The following LRRC7 variants were observed in gnomAD, a reference collection of about 807,000 sequenced individuals.
LRRC7 encodes leucine rich repeat containing 7.
LRRC7 carries 23 observed loss-of-function variants against 175.7 expected under a neutral mutation model. The observed-to-expected ratio is 0.13, with a 90% CI of 0.09 to 0.19. LRRC7 has a LOEUF of 0.19. Among genes scored for constraint, LRRC7 ranks in the 10% least tolerant of loss-of-function variants. LRRC7 has a pLI of 1.00. For synonymous variants in LRRC7, 685 were observed against 680.9 expected, an observed-to-expected ratio of 1.01 and a Z score of -0.09; for missense variants, 1,354 against 1,904.7, an observed-to-expected ratio of 0.71 and a Z score of 5.38.
At chr1:70,037,488 T>G (rs929211547) in intron 20 of LRRC7, among the ~76,000 whole-genome samples, 12 of 152,220 alleles carry the variant, frequency 7.9e-5, no homozygotes. Flanking sequence ...ATTTACATTC[T>G]ACAAAACATA....
chr1:69,721,902 G>C (rs1031355558), intron 2 of LRRC7, among the ~76,000 whole-genome samples: 1 of 151,664 alleles, frequency 6.6e-6, no homozygotes, highest in Non-Finnish European at 1.5e-5. Flanking sequence ...TTTTTTAAGT[G>C]TATACTTCAG....
intron 2 of LRRC7, among the ~76,000 whole-genome samples, chr1:69,757,521 G>C (rs990276224): frequency 2.6e-5 from 4 of 151,942 alleles, no homozygotes; most frequent in African/African-American, 9.7e-5. Flanking sequence ...AGTTCAGCCT[G>C]TTGTGGGATG....
chr1:70,066,629 A>G (rs910993649), intron 23 of LRRC7, among the ~76,000 whole-genome samples: 22 of 151,986 alleles, frequency 1.4e-4, no homozygotes, highest in African/African-American at 5.3e-4. Context: ...TCATTTACCT[A>G]TGGAAGGATA....
chr1:69,760,960 T>TACAC lies in LRRC7; in HGVS notation c.303+586_303+589dup, dbSNP rs59808973. ...TTGAAACTATCAAACTTTGTGCACATACACACACACACACACACACACGTG... is the reference window on the plus strand; with the variant it reads ...TTGAAACTATCAAACTTTGTGCACATACACACACACACACACACACACACACGTG... On this transcript the variant is annotated intron_variant, in intron 3 of 26. Transcript: ENST00000651989. 5.5e-3 allele frequency among the ~76,000 whole-genome samples: 821 copies of TACAC among 149,520 alleles called. 1 individual carries two copies. Among genetic ancestry groups the TACAC allele is most frequent in the South Asian group, 8.9e-3 (42 of 4,742 alleles).
chr1:69,998,626 T>C (rs1655241726), intron 11 of LRRC7, among the ~76,000 whole-genome samples: 1 of 152,172 alleles, frequency 6.6e-6, no homozygotes, highest in Non-Finnish European at 1.5e-5. Flanking sequence ...TGAATTCAAC[T>C]TCTTTTATCC....
intron 8 of LRRC7, among the ~76,000 whole-genome samples, chr1:69,977,542 T>G (rs1034462025): frequency 1.3e-5 from 2 of 152,236 alleles, no homozygotes; most frequent in African/African-American, 4.8e-5. Context: ...TCATACACTG[T>G]CACTGTGTGG....
intron 7 of LRRC7, among the ~76,000 whole-genome samples, chr1:69,908,258 C>T (rs1436685621): frequency 5.9e-5 from 9 of 152,256 alleles, no homozygotes; most frequent in East Asian, 1.9e-4. Flanking sequence ...GTGTCTCTAT[C>T]TCCTTCAGTT....
intron 12 of LRRC7, 118 bp from the exon 13 acceptor site, chr1:70,012,856 C>T: frequency 4.8e-6 from 2 of 420,384 alleles, no homozygotes; most frequent in Non-Finnish European, 8.4e-6. Flanking sequence ...CAAAACAATG[C>T]ACATGTTAAA....
intron 11 of LRRC7, among the ~76,000 whole-genome samples, chr1:70,005,352 T>C (rs1361953194): frequency 6.6e-6 from 1 of 152,204 alleles, no homozygotes. Context: ...TCATCTACAT[T>C]GATCATAGAT....
At chr1:69,677,316 A>G (rs1196707089) in intron 1 of LRRC7, among the ~76,000 whole-genome samples, 2 of 150,188 alleles carry the variant, frequency 1.3e-5, no homozygotes, top group Non-Finnish European at 3.0e-5. Context: ...TTATCCACTT[A>G]TAGGGTGATG....
chr1:69,630,719 T>G (rs768459761), intron 1 of LRRC7, among the ~76,000 whole-genome samples: 2 of 152,028 alleles, frequency 1.3e-5, no homozygotes, highest in Non-Finnish European at 2.9e-5. Context: ...CCTTTTATTT[T>G]TATATTTCTT....
chr1:69,682,650 C>A (rs927684612), intron 2 of LRRC7, among the ~76,000 whole-genome samples: 1 of 152,042 alleles, frequency 6.6e-6, no homozygotes, highest in Non-Finnish European at 1.5e-5. Flanking sequence ...AACCAGAAAG[C>A]GGGACTTACC....
intron 3 of LRRC7, among the ~76,000 whole-genome samples, chr1:69,761,597 A>T (rs1050133006): frequency 2.0e-5 from 3 of 151,978 alleles, no homozygotes; most frequent in African/African-American, 7.2e-5. Flanking sequence ...ACACAGGTAT[A>T]GTGTATTTTT....
At chr1:69,696,598 C>T (rs922458841) in intron 2 of LRRC7, among the ~76,000 whole-genome samples, 1 of 151,528 alleles carries the variant, frequency 6.6e-6, no homozygotes, top group Non-Finnish European at 1.5e-5. Flanking sequence ...ATATTTTCTC[C>T]CCTCCAAATC....
intron 25 of LRRC7, among the ~76,000 whole-genome samples, chr1:70,101,378 T>G (rs777255166): frequency 2.0e-5 from 3 of 152,202 alleles, no homozygotes; most frequent in Non-Finnish European, 4.4e-5. Flanking sequence ...TTCAGAATTT[T>G]AAGGAAAAGC....
intron 7 of LRRC7, among the ~76,000 whole-genome samples, chr1:69,911,412 C>G (rs912882300): frequency 5.3e-5 from 8 of 152,162 alleles, no homozygotes; most frequent in African/African-American, 1.7e-4. Flanking sequence ...AGTTATTTCC[C>G]CATCAACAGT....
intron 1 of LRRC7, among the ~76,000 whole-genome samples, chr1:69,601,396 C>T (rs932432455): frequency 2.0e-5 from 3 of 152,120 alleles, no homozygotes; most frequent in Admixed American, 6.6e-5. Context: ...GTAACCTCCC[C>T]GTCCAACAGT....
At chr1:69,819,575 C>CTGTGTGTGTGTGTGTGTG (rs1343426681) in intron 4 of LRRC7, among the ~76,000 whole-genome samples, 46 of 133,310 alleles carry the variant, frequency 3.5e-4, no homozygotes, top group African/African-American at 1.4e-3. Flanking sequence ...CTCTCTCTCT[C>CTGTGTGTGTGTGTGTGTG]TCTGTGTGTG....
At chr1:69,986,542 A>G (rs1015852609) in intron 10 of LRRC7, among the ~76,000 whole-genome samples, 156 bp downstream of exon 10, 4 of 152,226 alleles carry the variant, frequency 2.6e-5, no homozygotes, top group African/African-American at 4.8e-5. Context: ...GTATCTAACA[A>G]ATATCTTAAG....
Sources: allele counts gnomAD v4.1 joint callset (sites outside exome capture counted in the v4.1 genomes callset), GRCh38; gene constraint gnomAD v4.1.1; transcripts MANE v1.5; gene names NCBI Gene and HGNC (gene_info 2026-07-23, HGNC 2026-07-21).